The following HSD17B4 variants were observed in gnomAD, a reference collection of about 807,000 sequenced individuals.
HSD17B4 encodes peroxisomal multifunctional enzyme type 2.
In HSD17B4, 70 loss-of-function variants were observed where a neutral mutation model predicts 101.0. The observed-to-expected ratio is 0.69, with a 90% CI of 0.57 to 0.85. HSD17B4 has a LOEUF of 0.85. Ranked by LOEUF, HSD17B4 falls within the 40% of genes least tolerant of loss-of-function variation. The pLI is 0.00. For missense variants in HSD17B4, 984 were observed against 892.4 expected, an observed-to-expected ratio of 1.10 and a Z score of -1.31; for synonymous variants, 347 against 297.1, an observed-to-expected ratio of 1.17 and a Z score of -1.73.
At chr5:119,469,219 C>A (rs1447799922) in intron 2 of HSD17B4, among the ~76,000 whole-genome samples, 1 of 149,624 alleles carries the variant, frequency 6.7e-6, no homozygotes, top group African/African-American at 2.5e-5. Context: ...TCAGGAATTT[C>A]GTAGATTTTC....
At chr5:119,485,074 T>C (rs975556545) in intron 8 of HSD17B4, among the ~76,000 whole-genome samples, 12 of 152,146 alleles carry the variant, frequency 7.9e-5, no homozygotes, top group African/African-American at 2.2e-4. Context: ...AACCCAAGAA[T>C]TGGAACATTG....
chr5:119,497,210 G>GT (rs527318673), intron 12 of HSD17B4, among the ~76,000 whole-genome samples: 1,400 of 28,894 alleles, frequency 0.048, 19 homozygotes, highest in African/African-American at 0.15. Context: ...AGGCTCCATT[G>GT]GGGGGTGTGA....
At chr5:119,527,435 C>A (rs777859294) in intron 20 of HSD17B4, among the ~76,000 whole-genome samples, 24 of 152,098 alleles carry the variant, frequency 1.6e-4, no homozygotes, top group Admixed American at 1.0e-3. Context: ...GTTTTATTTT[C>A]TCTTTTATTT....
In HSD17B4 at chr5:119,478,974, T is replaced by C; in HGVS notation, c.575T>C (p.Ile192Thr). The stretch of plus-strand genomic sequence containing the variant: ...AAAAGCAACATTCATTGTAACACCA[T>C]TGCTCCTAATGCGGGATCACGGATG... ...GRKSNIHCNT[I>T]APNAGSRMTQ... Residue 192 changes from isoleucine to threonine, a missense_variant, in exon 8 of 24, where the codon ATT (isoleucine) becomes ACT (threonine). Transcript: ENST00000510025. 2.5e-6 allele frequency: 4 copies of C among 1,613,696 alleles called. No individual in the cohort carries two copies. Among genetic ancestry groups the C allele is most frequent in the Non-Finnish European group, 3.4e-6 (4 of 1,179,700 alleles).
At chr5:119,456,710 G>A in intron 2 of HSD17B4, 1 of 311,810 alleles carries the variant, frequency 3.2e-6, no homozygotes. Context: ...TTATACCACT[G>A]CACTCCAATC....
At chr5:119,458,520 T>TC (rs1443839406) in intron 2 of HSD17B4, among the ~76,000 whole-genome samples, 5 of 151,466 alleles carry the variant, frequency 3.3e-5, no homozygotes, top group African/African-American at 1.2e-4. Flanking sequence ...TTTTTTTTTT[T>TC]TTTTTTTAAG....
At chr5:119,474,481 G>T (rs1394052980) in intron 4 of HSD17B4, 21 bp downstream of exon 4, 8 of 1,512,242 alleles carry the variant, frequency 5.3e-6, no homozygotes, top group Non-Finnish European at 7.4e-6. Context: ...TTTGTGTTAT[G>T]GCTCTTGTGG....
At chr5:119,528,281 C>CT (rs1753776446) in intron 20 of HSD17B4, among the ~76,000 whole-genome samples, 1 of 152,252 alleles carries the variant, frequency 6.6e-6, no homozygotes, top group East Asian at 1.9e-4. Context: ...CCCCAAATGT[C>CT]TTTTCTGTAT....
At chr5:119,493,695 T>C (rs542519168) in intron 10 of HSD17B4, 123 bp from the exon 11 acceptor site, 2 of 862,126 alleles carry the variant, frequency 2.3e-6, no homozygotes, top group African/African-American at 1.7e-5. Flanking sequence ...TAAAACTCTT[T>C]AGGAGTTAGA....
intron 20 of HSD17B4, among the ~76,000 whole-genome samples, chr5:119,527,702 A>G (rs1753727081): frequency 6.6e-6 from 1 of 152,170 alleles, no homozygotes; most frequent in South Asian, 2.1e-4. Flanking sequence ...CCAATAGGAA[A>G]GTTATTCTAA....
At position 119,502,550 on chromosome 5, in the gene HSD17B4, T is replaced by C. The variant is rs527713876; in HGVS notation, c.1261+458T>C. ...AAAACAAGTCTTTAATAATCATTTTTACTTTTCTCAAAAATATCTTACTTG... is the reference window on the plus strand; with the variant it reads ...AAAACAAGTCTTTAATAATCATTTTCACTTTTCTCAAAAATATCTTACTTG... On this transcript the variant is annotated intron_variant, in intron 14 of 23. Transcript: ENST00000510025. Among the ~76,000 whole-genome samples, 4 of 152,228 alleles carry C rather than the reference T, an allele frequency of 2.6e-5. No homozygotes were observed. In the South Asian group the frequency reaches 8.3e-4, roughly 32 times the overall value.
At chr5:119,532,978 G>A (rs1754244481) in intron 22 of HSD17B4, among the ~76,000 whole-genome samples, 1 of 152,050 alleles carries the variant, frequency 6.6e-6, no homozygotes, top group Admixed American at 6.6e-5. Context: ...TAATATGCAC[G>A]TTTATAGATT....
intron 17 of HSD17B4, among the ~76,000 whole-genome samples, chr5:119,523,690 A>G (rs538151820): frequency 6.6e-6 from 1 of 152,320 alleles, no homozygotes; most frequent in African/African-American, 2.4e-5. Flanking sequence ...ACTAGTACTA[A>G]TCTTAGAAAC....
chr5:119,527,076 T>C (rs1306152559), intron 19 of HSD17B4, 57 bp from the exon 20 acceptor site: 5 of 1,047,818 alleles, frequency 4.8e-6, no homozygotes. Flanking sequence ...TTTTTCCTCC[T>C]ACAAGTAAAA....
intron 16 of HSD17B4, chr5:119,509,491 A>C: frequency 1.6e-6 from 1 of 638,294 alleles, no homozygotes; most frequent in Non-Finnish European, 2.9e-6. Flanking sequence ...CCACTTACTG[A>C]ATAGTAAATA....
Position 119,493,864 on chromosome 5 carries a change from C to T in HSD17B4, c.786C>T (p.His262=), listed in dbSNP as rs1159372786. 2 of 1,612,824 alleles carry T rather than the reference C, an allele frequency of 1.2e-6. No individual in the cohort carries two copies. The highest frequency in any genetic ancestry group is 1.7e-6 in the Non-Finnish European group (2 of 1,179,092). The change falls in exon 11 of 24, where the codon CAC becomes CAT. Residue 262 remains histidine, a synonymous_variant. Coordinates refer to ENST00000510025, the MANE Select transcript of HSD17B4 (RefSeq NM_000414.4). ...GAGCTATTGTAAGACAAAAGAATCA[C>T]CCAATGACTCCTGAGGCAGTCAAGG... is the stretch of plus-strand genomic sequence containing the variant. ...TLGAIVRQKN[H]PMTPEAVKAN...
chr5:119,454,466 C>T (rs60832077), intron 1 of HSD17B4, among the ~76,000 whole-genome samples: 13,981 of 151,962 alleles, frequency 0.092, 988 homozygotes, highest in African/African-American at 0.2. Context: ...CCACCACGCC[C>T]AGCTAATTTT....
intron 13 of HSD17B4, 74 bp from the exon 14 acceptor site, chr5:119,501,967 G>T (rs1751207035): frequency 2.3e-6 from 2 of 863,960 alleles, no homozygotes; most frequent in South Asian, 1.4e-5. Flanking sequence ...TGTCACTTGC[G>T]AGTAACAGTA....
chr5:119,531,192 C>T (rs1050592843), intron 21 of HSD17B4, 74 bp from the exon 22 acceptor site: 30 of 1,470,296 alleles, frequency 2.0e-5, no homozygotes, highest in Non-Finnish European at 2.8e-5. Context: ...TTTTTTTGCA[C>T]ATGTTTTATA....
Sources: gnomAD v4.1 joint callset for allele counts (sites outside exome capture counted in the v4.1 genomes callset) on GRCh38, gnomAD v4.1.1 for gene constraint, MANE v1.5 for transcripts, NCBI Gene and HGNC (gene_info 2026-07-23, HGNC 2026-07-21) for gene names.